The following SHLD1 variants were observed in gnomAD, a reference collection of about 807,000 sequenced individuals.
SHLD1 encodes the protein shieldin complex subunit 1, also known as RINN1-REV7-interacting novel NHEJ regulator 3.
SHLD1 carries 3 observed loss-of-function variants against 5.5 expected under a neutral mutation model. The observed-to-expected ratio is 0.54, with a 90% CI of 0.25 to 1.40. The LOEUF (loss-of-function observed/expected upper bound fraction) is 1.40. Among genes scored for constraint, SHLD1 ranks in the 40% most tolerant of loss-of-function variants. The probability of loss-of-function intolerance (pLI) is 0.15; values close to 1 mark genes in which losing one functional copy is unlikely to be tolerated. For synonymous variants in SHLD1, 92 were observed against 94.3 expected, an observed-to-expected ratio of 0.98 and a Z score of 0.14; for missense variants, 210 against 244.4, an observed-to-expected ratio of 0.86 and a Z score of 0.94.
In SHLD1 at chr20:5,798,887, T is replaced by C. The variant is rs1182502021; in HGVS notation, c.178+25844T>C. Among the ~76,000 whole-genome samples the C allele has an allele frequency of 9.9e-5, 15 of 152,170 alleles. No homozygotes were observed. In the East Asian group the frequency reaches 2.9e-3, roughly 29 times the overall value. Reference sequence around the variant, plus strand: ...CCCACCTCAGCCTCCCTCAGTTCTCTTAAAAACTAGCCTCAGCCAGTTGTG... The same window carrying C: ...CCCACCTCAGCCTCCCTCAGTTCTCCTAAAAACTAGCCTCAGCCAGTTGTG... On this transcript the variant is annotated intron_variant, in intron 2 of 2. Coordinates refer to ENST00000303142, the MANE Select transcript of SHLD1 (RefSeq NM_152504.4).
chr20:5,817,793 A>G (rs2087556627), intron 2 of SHLD1, among the ~76,000 whole-genome samples: 2 of 152,182 alleles, frequency 1.3e-5, no homozygotes, highest in South Asian at 4.1e-4. Context: ...TAGCTCCCTC[A>G]TCTCCAGGAC....
At position 5,855,529 on chromosome 20, in the gene SHLD1, G is replaced by A. The variant is rs747801581; in HGVS notation, c.179-7495G>A. ...TGGGACTACAGGTGCATGTCACCAC[G>A]CCTGGCTAATTTTTGTATTTTTAGT... is the stretch of plus-strand genomic sequence containing the variant. On this transcript the variant is annotated intron_variant, in intron 2 of 2. Transcript: ENST00000303142. The surrounding 1 kb of genome is among the most constrained non-coding windows in gnomAD (Gnocchi z 4.4). 1.4e-4 allele frequency among the ~76,000 whole-genome samples: 21 copies of A among 151,954 alleles called. No homozygotes were observed. Among genetic ancestry groups the A allele is most frequent in the Admixed American group, 3.9e-4 (6 of 15,230 alleles).
intron 2 of SHLD1, among the ~76,000 whole-genome samples, chr20:5,842,935 T>A (rs764185879): frequency 1.3e-5 from 2 of 152,352 alleles, no homozygotes; most frequent in South Asian, 4.2e-4. Flanking sequence ...TTTATTTCTT[T>A]AACATATTAA....
In SHLD1 at chr20:5,857,494, T is replaced by C. The variant is rs1362331582; in HGVS notation, c.179-5530T>C. ...ACATACTCCTTCTTTCCTTAAATCC[T>C]GATACTTTTTCATTTTTAAAAACTT... On this transcript the variant is annotated intron_variant, in intron 2 of 2. Coordinates refer to ENST00000303142, the MANE Select transcript of SHLD1 (RefSeq NM_152504.4). Among the ~76,000 whole-genome samples, 4 of 152,146 alleles carry C rather than the reference T, an allele frequency of 2.6e-5. No individual in the cohort carries two copies. The East Asian group carries it at 7.7e-4, about 29-fold the overall frequency.
At chr20:5,836,253 A>G (rs1362210518) in intron 2 of SHLD1, among the ~76,000 whole-genome samples, 3 of 152,182 alleles carry the variant, frequency 2.0e-5, no homozygotes, top group Non-Finnish European at 4.4e-5. Context: ...TCAGTGTTGA[A>G]CAGAGTAGAT....
Position 5,863,565 on chromosome 20 carries a change from T to C in SHLD1, c.*102T>C. 1 of 1,181,880 alleles carries C rather than the reference T, an allele frequency of 8.5e-7. No individual in the cohort carries two copies. Among genetic ancestry groups the C allele is most frequent in the South Asian group, 1.5e-5 (1 of 66,706 alleles). 73.2% of individuals were successfully genotyped at this position (1,181,880 alleles called of 1,614,324 possible). On this transcript the variant is annotated 3_prime_UTR_variant, in exon 3 of 3. Coordinates refer to ENST00000303142, the MANE Select transcript of SHLD1 (RefSeq NM_152504.4). ...CCTAGGGTCTCTGGCCAGCTCTGTGTGCCCAATCCCAATTAAGTGCTTTGA... is the reference window on the plus strand; with the variant it reads ...CCTAGGGTCTCTGGCCAGCTCTGTGCGCCCAATCCCAATTAAGTGCTTTGA...
chr20:5,791,563 CAAAAAAA>C (rs34606715), intron 2 of SHLD1, among the ~76,000 whole-genome samples: 13 of 61,018 alleles, frequency 2.1e-4, no homozygotes, highest in African/African-American at 9.6e-4. Context: ...GACCCTGTCT[CAAAAAAA>C]AAAAAAAAAA....
chr20:5,853,528 C>T (rs2088039655), intron 2 of SHLD1, among the ~76,000 whole-genome samples: 1 of 152,122 alleles, frequency 6.6e-6, no homozygotes, highest in Non-Finnish European at 1.5e-5. Context: ...TCATTCAAGA[C>T]CTTTTATGAA....
At chr20:5,857,005 A>G (rs2088095580) in intron 2 of SHLD1, among the ~76,000 whole-genome samples, 1 of 152,132 alleles carries the variant, frequency 6.6e-6, no homozygotes, top group African/African-American at 2.4e-5. Flanking sequence ...TTGTTGAAAC[A>G]GAGTCTCACT....
intron 1 of SHLD1, among the ~76,000 whole-genome samples, chr20:5,758,727 A>G (rs1984283190): frequency 6.6e-6 from 1 of 151,598 alleles, no homozygotes; most frequent in Admixed American, 6.6e-5. Context: ...CCTTGGGCCA[A>G]GTTTTAAGGA....
At chr20:5,805,209 G>A (rs1600139985) in intron 2 of SHLD1, among the ~76,000 whole-genome samples, 1 of 152,184 alleles carries the variant, frequency 6.6e-6, no homozygotes, top group South Asian at 2.1e-4. Flanking sequence ...CCAGGCTGGA[G>A]TGCAGTGGCG....
At chr20:5,858,078 G>A (rs1046411360) in intron 2 of SHLD1, among the ~76,000 whole-genome samples, 14 of 143,950 alleles carry the variant, frequency 9.7e-5, no homozygotes, top group African/African-American at 1.6e-4. Flanking sequence ...CAGCCTGGGC[G>A]ACAGAGTGAG....
At chr20:5,850,571 T>C (rs1275033539) in intron 2 of SHLD1, among the ~76,000 whole-genome samples, 3 of 150,078 alleles carry the variant, frequency 2.0e-5, no homozygotes, top group East Asian at 3.9e-4. Context: ...AGTGCAGTGG[T>C]GTGATCTCGG....
At chr20:5,857,835 C>T (rs1402872860) in intron 2 of SHLD1, among the ~76,000 whole-genome samples, 1 of 152,022 alleles carries the variant, frequency 6.6e-6, no homozygotes, top group African/African-American at 2.4e-5. Flanking sequence ...TGCCCTGGCT[C>T]ACGCCTGTAA....
chr20:5,784,090 G>A (rs1448399085), intron 2 of SHLD1, among the ~76,000 whole-genome samples: 1 of 151,772 alleles, frequency 6.6e-6, no homozygotes, highest in Non-Finnish European at 1.5e-5. Context: ...GGCGGAGGTT[G>A]CAGTGAGCCG....
chr20:5,767,065 C>T (rs377057941), intron 1 of SHLD1, among the ~76,000 whole-genome samples: 14 of 152,248 alleles, frequency 9.2e-5, no homozygotes, highest in Admixed American at 5.9e-4. Flanking sequence ...ACCCAGTCAC[C>T]GAAACTGTCT....
chr20:5,792,855 A>G (rs1175042352), intron 2 of SHLD1, among the ~76,000 whole-genome samples: 2 of 151,494 alleles, frequency 1.3e-5, no homozygotes, highest in Non-Finnish European at 1.5e-5. Context: ...TTGTATTTTT[A>G]GTAGAGACGG....
Position 5,778,604 on chromosome 20 carries a change from CA to C in SHLD1, c.178+5578del, listed in dbSNP as rs59026745. 4.2e-3 allele frequency among the ~76,000 whole-genome samples: 408 copies of C among 96,716 alleles called. 2 individuals are homozygous for C. The highest frequency in any genetic ancestry group is 0.013 in the East Asian group (32 of 2,514). The allele number at this position is 96,716 out of a possible 152,430, so 63.4% of individuals were successfully genotyped here. A position where few individuals can be genotyped will look rare whatever the true frequency, so the allele number is the denominator to read the frequency against. On this transcript the variant is annotated intron_variant, in intron 2 of 2. Transcript: ENST00000303142. ...CCTGGGCGACAGAGCAAGACCTTGT[CA>C]AAAAAAAAAAAAAAAATAAGGACCA...
chr20:5,779,209 A>G (rs893278587), intron 2 of SHLD1, among the ~76,000 whole-genome samples: 3 of 152,104 alleles, frequency 2.0e-5, no homozygotes, highest in Admixed American at 2.0e-4. Flanking sequence ...CTAAAAAAAA[A>G]AAAAAAAGTC....
Sources: allele counts gnomAD v4.1 joint callset (sites outside exome capture counted in the v4.1 genomes callset), GRCh38; gene constraint gnomAD v4.1.1; non-coding constraint Gnocchi (gnomAD v3.1); transcripts MANE v1.5; gene names NCBI Gene and HGNC (gene_info 2026-07-23, HGNC 2026-07-21).